CEP350: variants seen among roughly 807,000 people sequenced by gnomAD.
CEP350 encodes the protein centrosomal protein 350, also known as centrosome-associated protein 350.
Under a neutral mutation model 331.8 loss-of-function variants are expected in CEP350, and 126 were observed. The ratio of observed to expected loss-of-function variants is 0.38; its 90% CI spans 0.33 to 0.44. The LOEUF (loss-of-function observed/expected upper bound fraction) is 0.44, where lower values mean the gene tolerates loss of function less well. CEP350 is among the 20% of genes least tolerant of loss of function. The pLI is 1.00. For synonymous variants in CEP350, 1,200 were observed against 1,259.5 expected, an observed-to-expected ratio of 0.95 and a Z score of 1.00; for missense variants, 3,406 against 3,634.6, an observed-to-expected ratio of 0.94 and a Z score of 1.62.
chr1:180,110,012 A>G (rs1295236326), intron 37 of CEP350, among the ~76,000 whole-genome samples: 1 of 152,196 alleles, frequency 6.6e-6, no homozygotes, highest in Non-Finnish European at 1.5e-5. Flanking sequence ...TGGGGAGGTT[A>G]TTTCTACTTG....
At chr1:180,039,016 A>C (rs761687746) in intron 17 of CEP350, among the ~76,000 whole-genome samples, 1 of 151,746 alleles carries the variant, frequency 6.6e-6, no homozygotes, top group Non-Finnish European at 1.5e-5. Flanking sequence ...AGGAGTTCCA[A>C]GACCAGCTGG....
chr1:179,993,913 A>G (rs915800253), intron 5 of CEP350, among the ~76,000 whole-genome samples: 2 of 152,138 alleles, frequency 1.3e-5, no homozygotes, highest in Admixed American at 1.3e-4. Context: ...CTAGTTCATC[A>G]TCCCTCTCTG....
rs1572018647 is a variant in CEP350, at chr1:180,111,825, G to C, written c.*664G>C. ...GCATTATGTTTAGTGTTCTCTGTGT[G>C]GGCATGAAAACAAAGAAATGCCCCT... is the stretch of plus-strand genomic sequence containing the variant. On this transcript the variant is annotated 3_prime_UTR_variant, in exon 38 of 38. Transcript: ENST00000367607. The C allele has an allele frequency of 6.6e-6, 1 of 152,434 alleles. No homozygotes were observed. The highest frequency in any genetic ancestry group is 1.5e-5 in the Non-Finnish European group (1 of 68,046). 9.4% of individuals were successfully genotyped at this position (152,434 alleles called of 1,614,324 possible). A position where few individuals can be genotyped will look rare whatever the true frequency, so the allele number is the denominator to read the frequency against.
rs1558093040 is a variant in CEP350 at position 180,004,892 on chromosome 1, TTGCTTGCTTG to T, written c.1133-1561_1133-1552del. ...CTGGCTGGCTTGCTTGCTTGCTTGC[TTGCTTGCTTG>T]CTTGCTTTCTTTCTTTCTTTCTTTC... On this transcript the variant is annotated intron_variant, in intron 7 of 37. Transcript: ENST00000367607. Among the ~76,000 whole-genome samples, 292 of 43,956 alleles carry T rather than the reference TTGCTTGCTTG, an allele frequency of 6.6e-3. 1 individual carries two copies. The highest frequency in any genetic ancestry group is 0.014 in the African/African-American group (270 of 19,070). 28.8% of individuals were successfully genotyped at this position (43,956 alleles called of 152,430 possible). A position where few individuals can be genotyped will look rare whatever the true frequency, so the allele number is the denominator to read the frequency against.
At chr1:179,995,735 G>A (rs1457446478) in intron 5 of CEP350, among the ~76,000 whole-genome samples, 1 of 152,116 alleles carries the variant, frequency 6.6e-6, no homozygotes, top group African/African-American at 2.4e-5. Context: ...AGGTACTTTG[G>A]CTTTGCCCAG....
chr1:180,018,057 G>C (rs571389953), intron 11 of CEP350, among the ~76,000 whole-genome samples: 6 of 152,334 alleles, frequency 3.9e-5, no homozygotes, highest in African/African-American at 1.2e-4. Flanking sequence ...ACAGGCTAGA[G>C]TGCAGTGGCA....
At chr1:180,039,907 A>C (rs569447694) in intron 17 of CEP350, among the ~76,000 whole-genome samples, 2 of 152,306 alleles carry the variant, frequency 1.3e-5, no homozygotes, top group African/African-American at 4.8e-5. Context: ...CTAATTCATG[A>C]ACATGATATA....
chr1:179,996,001 CG>C (rs1311431531), intron 5 of CEP350, among the ~76,000 whole-genome samples: 1 of 152,164 alleles, frequency 6.6e-6, no homozygotes, highest in African/African-American at 2.4e-5. Context: ...GCAAATAACA[CG>C]TTTTATTGAC....
At chr1:180,097,947 G>C (rs1344415421) in intron 36 of CEP350, among the ~76,000 whole-genome samples, 1 of 152,028 alleles carries the variant, frequency 6.6e-6, no homozygotes, top group Non-Finnish European at 1.5e-5. Flanking sequence ...CTTGAAGTTA[G>C]CTAATGGTAG....
At chr1:180,015,699 AATAAAT>A in intron 10 of CEP350, 144 bp from the exon 11 acceptor site, 2 of 1,003,524 alleles carry the variant, frequency 2.0e-6, no homozygotes, top group Non-Finnish European at 2.8e-6. Flanking sequence ...TTTAAGACAA[AATAAAT>A]TTTAATTGGT....
chr1:179,988,247 T>A (rs1023365594), intron 3 of CEP350, among the ~76,000 whole-genome samples: 1 of 150,136 alleles, frequency 6.7e-6, no homozygotes, highest in Non-Finnish European at 1.5e-5. Context: ...CAGTGAGCTA[T>A]GATCACACCA....
chr1:180,032,663 C>T (rs776824885), intron 15 of CEP350, among the ~76,000 whole-genome samples: 3 of 151,316 alleles, frequency 2.0e-5, no homozygotes, highest in Non-Finnish European at 2.9e-5. Flanking sequence ...TGCCTGTAGT[C>T]ACTCTTTGTC....
At chr1:180,004,868 T>A (rs980421543) in intron 7 of CEP350, among the ~76,000 whole-genome samples, 35 of 96,674 alleles carry the variant, frequency 3.6e-4, no homozygotes, top group African/African-American at 1.3e-3. Flanking sequence ...GCAGGCAGGC[T>A]GGCTGGCTTG....
At chr1:180,057,275 A>G (rs946342498) in intron 25 of CEP350, among the ~76,000 whole-genome samples, 2 of 151,046 alleles carry the variant, frequency 1.3e-5, no homozygotes, top group African/African-American at 4.9e-5. Context: ...ATTTTTTTGT[A>G]TTTTTAGTAG....
intron 25 of CEP350, among the ~76,000 whole-genome samples, chr1:180,058,901 C>T (rs767602187): frequency 1.3e-5 from 2 of 152,012 alleles, no homozygotes; most frequent in African/African-American, 2.4e-5. Flanking sequence ...TTGGTACAAC[C>T]GTATCCAAAA....
At chr1:180,040,232 G>A (rs1289545879) in intron 17 of CEP350, among the ~76,000 whole-genome samples, 1 of 152,004 alleles carries the variant, frequency 6.6e-6, no homozygotes, top group South Asian at 2.1e-4. Flanking sequence ...CTGGTAGAGG[G>A]TGGGGAGGGA....
intron 37 of CEP350, among the ~76,000 whole-genome samples, chr1:180,102,134 A>ATTTTTT (rs750296355): frequency 1.5e-5 from 2 of 133,930 alleles, no homozygotes; most frequent in African/African-American, 2.8e-5. Flanking sequence ...CACCCTTGAC[A>ATTTTTT]TTTTTTTTTT....
chr1:180,045,440 A>C (rs1003735099), intron 21 of CEP350, among the ~76,000 whole-genome samples: 29 of 152,236 alleles, frequency 1.9e-4, no homozygotes, highest in African/African-American at 7.0e-4. Context: ...AGAAGATTTT[A>C]GAGGCTACTT....
chr1:180,085,630 C>G (rs1659819003), intron 31 of CEP350: 1 of 152,192 alleles, frequency 6.6e-6, no homozygotes, highest in South Asian at 2.1e-4. Context: ...CTCATCTCAT[C>G]ACCAGAGAAC....
Sources: allele counts gnomAD v4.1 joint callset (sites outside exome capture counted in the v4.1 genomes callset), GRCh38; gene constraint gnomAD v4.1.1; transcripts MANE v1.5; gene names NCBI Gene and HGNC (gene_info 2026-07-23, HGNC 2026-07-21).